Variants in PGPEP1L observed in about 807,000 individuals in gnomAD.
The protein encoded by PGPEP1L is pyroglutamyl-peptidase I like.
Under a neutral mutation model 6.0 loss-of-function variants are expected in PGPEP1L, and 7 were observed. The ratio of observed to expected loss-of-function variants is 1.17; its 90% CI spans 0.66 to 2.19. The LOEUF is 2.19. Ranked by LOEUF, PGPEP1L falls within the 30% of genes most tolerant of loss-of-function variation. The pLI is 0.00. For missense variants in PGPEP1L, 209 were observed against 192.5 expected (o/e 1.09, Z -0.51); for synonymous variants, 103 against 83.9 (o/e 1.23, Z -1.24).
chr15:98,982,177 G>A (rs1307808167), intron 2 of PGPEP1L, among the ~76,000 whole-genome samples: 1 of 152,228 alleles, frequency 6.6e-6, no homozygotes, highest in African/African-American at 2.4e-5. Flanking sequence ...AGCCACAGCA[G>A]ACACCCTCCA....
intron 2 of PGPEP1L, among the ~76,000 whole-genome samples, chr15:98,980,816 C>G (rs1301663022): frequency 1.3e-5 from 2 of 152,074 alleles, no homozygotes; most frequent in Non-Finnish European, 2.9e-5. Context: ...CCTGTAGTCC[C>G]AGCTGTTCAG....
At chr15:98,976,958 C>T (rs2017578565) in intron 2 of PGPEP1L, among the ~76,000 whole-genome samples, 1 of 147,808 alleles carries the variant, frequency 6.8e-6, no homozygotes, top group Admixed American at 6.8e-5. Flanking sequence ...AATACTGTAT[C>T]CACCATAATG....
chr15:98,982,498 T>C (rs1448041996), intron 2 of PGPEP1L, among the ~76,000 whole-genome samples: 1 of 152,064 alleles, frequency 6.6e-6, no homozygotes, highest in Non-Finnish European at 1.5e-5. Flanking sequence ...GTCACCAGAC[T>C]GAAAAAAGGA....
rs1352371824 is a variant in PGPEP1L at position 98,968,532 on chromosome 15, G to A, written c.375C>T (p.His125=). The A allele has an allele frequency of 3.7e-6, 6 of 1,611,118 alleles. No homozygotes were observed. The Admixed American group carries it at 8.3e-5, about 22-fold the overall frequency. Residue 125 remains histidine, a synonymous_variant, in exon 5 of 5, where the codon CAC becomes CAT. Transcript: ENST00000535714. The part of the protein sequence containing the change: ...EMLEEVGKPK[H]RAQFEENSTM... ...TTGAGTTTTCTTCGAACTGGGCTCT[G>A]TGCTTGGGCTTTCCCACCTCTTCCA...
chr15:98,999,906 C>T (rs965565220), intron 2 of PGPEP1L, among the ~76,000 whole-genome samples: 16 of 152,396 alleles, frequency 1.0e-4, no homozygotes, highest in African/African-American at 2.2e-4. Flanking sequence ...GCAGCCCTTG[C>T]GCACTCTCAG....
In PGPEP1L at chr15:98,969,663, G is replaced by A. The variant is rs1004790552; in HGVS notation, c.-18-12C>T. 4.4e-6 allele frequency: 7 copies of A among 1,607,618 alleles called. No homozygotes were observed. The highest frequency in any genetic ancestry group is 5.9e-6 in the Non-Finnish European group (7 of 1,179,020). On this transcript the variant is annotated splice_polypyrimidine_tract_variant and intron_variant, in intron 3 of 4. Coordinates refer to ENST00000535714, the MANE Select transcript of PGPEP1L (RefSeq NM_001167902.2). Reference sequence around the variant, plus strand: ...ACATGCACGACGAGCTGTGTGAACGGGTAACAGCAGAGAGAACCCAGGAAA... The same window carrying A: ...ACATGCACGACGAGCTGTGTGAACGAGTAACAGCAGAGAGAACCCAGGAAA...
chr15:98,982,411 G>C (rs2017677795), intron 2 of PGPEP1L, among the ~76,000 whole-genome samples: 1 of 152,208 alleles, frequency 6.6e-6, no homozygotes, highest in South Asian at 2.1e-4. Flanking sequence ...ATTTCATGCT[G>C]TTCCAAGGCC....
Position 98,971,248 on chromosome 15 carries a change from T to G in PGPEP1L, c.-141-90A>C, listed in dbSNP as rs1241886402. 19 of 1,421,406 alleles carry G rather than the reference T, an allele frequency of 1.3e-5. No homozygotes were observed. The East Asian group carries it at 4.8e-4, about 36-fold the overall frequency. The allele number at this position is 1,421,406 out of a possible 1,614,324, so 88.0% of individuals were successfully genotyped here. A position where few individuals can be genotyped will look rare whatever the true frequency, so the allele number is the denominator to read the frequency against. On this transcript the variant is annotated intron_variant, in intron 2 of 4. Transcript: ENST00000535714. ...GTCCCTGAAAACCCAATCCTTGGGG[T>G]CTACTTCCAGGGGTCTTCCGCAGCC...
chr15:98,999,048 T>C (rs186308898), intron 2 of PGPEP1L, among the ~76,000 whole-genome samples: 19 of 152,298 alleles, frequency 1.2e-4, no homozygotes, highest in Admixed American at 1.0e-3. Flanking sequence ...CAAAGAGTTC[T>C]TAGATTTGAA....
At chr15:98,969,811 C>T (rs947647566) in intron 3 of PGPEP1L, among the ~76,000 whole-genome samples, 160 bp from the exon 4 acceptor site, 10 of 152,134 alleles carry the variant, frequency 6.6e-5, no homozygotes, top group Admixed American at 2.0e-4. Context: ...ACCAGTGTCT[C>T]CTAATTAATA....
chr15:98,990,881 T>C (rs1435388004), intron 2 of PGPEP1L, among the ~76,000 whole-genome samples: 37 of 152,100 alleles, frequency 2.4e-4, no homozygotes, highest in Non-Finnish European at 7.4e-5. Flanking sequence ...AATAACGAAA[T>C]TGAAGCAGAA....
intron 2 of PGPEP1L, among the ~76,000 whole-genome samples, chr15:99,004,951 A>C (rs118143945): frequency 6.6e-6 from 1 of 151,152 alleles, no homozygotes; most frequent in Non-Finnish European, 1.5e-5. Flanking sequence ...CTTACTCTGG[A>C]AGTGGGGACT....
In PGPEP1L at chr15:99,001,907, G is replaced by T. The variant is rs1290471787; in HGVS notation, c.-142+3522C>A. On this transcript the variant is annotated intron_variant, in intron 2 of 4. Coordinates refer to ENST00000535714, the MANE Select transcript of PGPEP1L (RefSeq NM_001167902.2). ...TAATTTTTGTATTTTTAGTAGAGAT[G>T]GGGTTTCACTATGTTGGCCAGGCTG... is the stretch of plus-strand genomic sequence containing the variant. 3.3e-5 allele frequency among the ~76,000 whole-genome samples: 5 copies of T among 152,076 alleles called. No homozygotes were observed. In the South Asian group the frequency reaches 1.0e-3, roughly 32 times the overall value.
intron 2 of PGPEP1L, among the ~76,000 whole-genome samples, chr15:98,999,102 T>G (rs2017925523): frequency 6.6e-6 from 1 of 152,118 alleles, no homozygotes; most frequent in Non-Finnish European, 1.5e-5. Flanking sequence ...CAAACTAGAT[T>G]CCGTCAAAAT....
intron 2 of PGPEP1L, among the ~76,000 whole-genome samples, chr15:98,990,161 G>GC (rs1165465867): frequency 4.6e-5 from 7 of 152,056 alleles, no homozygotes; most frequent in African/African-American, 1.7e-4. Context: ...TGGGCTAAAT[G>GC]CCCCAATTAA....
chr15:98,984,687 A>T (rs1280462675), intron 2 of PGPEP1L, among the ~76,000 whole-genome samples: 1 of 152,190 alleles, frequency 6.6e-6, no homozygotes, highest in Non-Finnish European at 1.5e-5. Flanking sequence ...ATGAGGTCCC[A>T]AACCAGAATC....
chr15:99,006,268 C>G (rs2018059195), intron 1 of PGPEP1L, among the ~76,000 whole-genome samples: 1 of 152,200 alleles, frequency 6.6e-6, no homozygotes, highest in African/African-American at 2.4e-5. Flanking sequence ...AGGCTTGCCA[C>G]CTAGCTAGCG....
In PGPEP1L at chr15:99,004,363, T is replaced by C. The variant is rs373945464; in HGVS notation, c.-142+1066A>G. ...GTTTGAGGCTGCAGTGAGTTATGAC[T>C]GAGCCACTGCACTCCAGTCTGGACA... On this transcript the variant is annotated intron_variant, in intron 2 of 4. Coordinates refer to ENST00000535714, the MANE Select transcript of PGPEP1L (RefSeq NM_001167902.2). Among the ~76,000 whole-genome samples the C allele has an allele frequency of 8.5e-4, 128 of 151,008 alleles. 1 individual carries two copies. The East Asian group carries it at 0.022, about 26-fold the overall frequency.
intron 2 of PGPEP1L, among the ~76,000 whole-genome samples, chr15:98,986,012 A>G (rs543252135): frequency 2.7e-4 from 41 of 152,344 alleles, no homozygotes; most frequent in African/African-American, 9.6e-4. Flanking sequence ...TTTCTTCCTC[A>G]GATGCCTACA....
Sources: gnomAD v4.1 joint callset for allele counts (sites outside exome capture counted in the v4.1 genomes callset) on GRCh38, gnomAD v4.1.1 for gene constraint, MANE v1.5 for transcripts, NCBI Gene and HGNC (gene_info 2026-07-23, HGNC 2026-07-21) for gene names.